The following ZNF606 variants were observed in gnomAD, a reference collection of about 807,000 sequenced individuals.
ZNF606 encodes the protein zinc finger protein 328.
ZNF606 carries 37 observed loss-of-function variants against 74.9 expected under a neutral mutation model. The observed-to-expected ratio is 0.49, with a 90% CI of 0.38 to 0.65. ZNF606 has a LOEUF of 0.65. ZNF606 is among the 30% of genes least tolerant of loss of function. The pLI, the probability that ZNF606 is intolerant of heterozygous loss-of-function variation, is 0.00. For missense variants in ZNF606, 852 were observed against 952.9 expected (o/e 0.89, Z 1.39); for synonymous variants, 328 against 312.4 (o/e 1.05, Z -0.53).
At chr19:58,000,366 C>T (rs1372356913) in intron 3 of ZNF606, 15 of 540,028 alleles carry the variant, frequency 2.8e-5, no homozygotes, top group Non-Finnish European at 4.6e-5. Flanking sequence ...GGACTACAGG[C>T]GCCCACCACC....
intron 1 of ZNF606, 163 bp downstream of exon 1, chr19:58,002,233 G>A (rs772491269): frequency 2.6e-5 from 12 of 456,750 alleles, no homozygotes; most frequent in Non-Finnish European, 4.8e-5. Flanking sequence ...TGCTTTGTGT[G>A]AACTGGCAGG....
chr19:57,987,910 A>T (rs2073188578), intron 6 of ZNF606, among the ~76,000 whole-genome samples: 2 of 152,246 alleles, frequency 1.3e-5, no homozygotes, highest in South Asian at 4.1e-4. Context: ...TTGGCAATAC[A>T]GGAAATAAGG....
At chr19:57,982,163 T>C (rs761543581) in intron 6 of ZNF606, among the ~76,000 whole-genome samples, 1 of 152,206 alleles carries the variant, frequency 6.6e-6, no homozygotes, top group East Asian at 1.9e-4. Context: ...ATTGGCCGGG[T>C]TGTGCTCCCT....
intron 4 of ZNF606, chr19:57,998,316 A>AT (rs990092731): frequency 6.6e-6 from 1 of 152,152 alleles, no homozygotes; most frequent in Non-Finnish European, 1.5e-5. Flanking sequence ...TGCCTCAGTC[A>AT]TTTTTTACAA....
At chr19:57,994,383 G>A (rs920898845) in intron 4 of ZNF606, among the ~76,000 whole-genome samples, 1 of 151,992 alleles carries the variant, frequency 6.6e-6, no homozygotes, top group Non-Finnish European at 1.5e-5. Flanking sequence ...GGACAAGAGG[G>A]AATTATTACT....
chr19:58,000,391 T>G (rs2073403373), intron 3 of ZNF606: 1 of 545,982 alleles, frequency 1.8e-6, no homozygotes, highest in Non-Finnish European at 3.2e-6. Flanking sequence ...CCAGCTAATT[T>G]TTTGTATTTT....
chr19:57,999,782 C>G (rs10451433), intron 4 of ZNF606, 26 bp downstream of exon 4: 1 of 1,609,106 alleles, frequency 6.2e-7, no homozygotes, highest in African/African-American at 1.3e-5. Context: ...ACATCATCCT[C>G]TGGGAACAGG....
At position 57,979,515 on chromosome 19, in the gene ZNF606, G is replaced by A. The variant is rs1330766244; in HGVS notation, c.1165C>T (p.Gln389Ter). Residue 389 changes from glutamine (Q) to a stop codon, truncating the protein, a stop_gained, in exon 7 of 7, where the codon CAA becomes TAA. Transcript: ENST00000551380. LOFTEE classifies it high-confidence loss of function. ...TCTGCAGTGTAAGTGCTTGTATGTT[G>A]AGTAAGGAAAGAGTCATACCCAAAG... Reference protein sequence around the residue: ...KVFGYDSFLTQHTSTYTAEKP... With the variant: ...KVFGYDSFLT 1.2e-6 allele frequency: 2 copies of A among 1,613,780 alleles called. No individual in the cohort carries two copies. Among genetic ancestry groups the A allele is most frequent in the South Asian group, 1.1e-5 (1 of 90,918 alleles).
chr19:57,989,335 T>A (rs555442500), intron 4 of ZNF606, among the ~76,000 whole-genome samples: 4 of 149,388 alleles, frequency 2.7e-5, no homozygotes, highest in Non-Finnish European at 6.0e-5. Flanking sequence ...CTAAACTGAT[T>A]TTTTTTTTTA....
At chr19:57,983,356 C>G (rs1290042569) in intron 6 of ZNF606, among the ~76,000 whole-genome samples, 1 of 152,062 alleles carries the variant, frequency 6.6e-6, no homozygotes, top group Non-Finnish European at 1.5e-5. Context: ...GGGTGGATTA[C>G]CTGAGGTCAG....
At chr19:57,988,471 G>A (rs1401797066) in intron 5 of ZNF606, 124 bp downstream of exon 5, 3 of 1,464,000 alleles carry the variant, frequency 2.0e-6, no homozygotes, top group East Asian at 4.6e-5. Context: ...GAACCTCAGG[G>A]CCCAAGATCA....
chr19:58,001,169 G>T, intron 2 of ZNF606, 120 bp downstream of exon 2: 3 of 1,199,022 alleles, frequency 2.5e-6, no homozygotes, highest in South Asian at 2.7e-5. Context: ...TTCTAATTTT[G>T]TACCAAGATA....
In ZNF606 at chr19:57,991,684, G is replaced by A. The variant is rs551887803; in HGVS notation, c.178-2963C>T. ...AATCCCAGCTACTCGTGAGGCTGAG[G>A]AATGAGAATCTCTTGAACCTGGGAG... On this transcript the variant is annotated intron_variant, in intron 4 of 6. Coordinates refer to ENST00000551380, the MANE Select transcript of ZNF606 (RefSeq NM_001348022.3). Among the ~76,000 whole-genome samples, 19 of 152,092 alleles carry A rather than the reference G, an allele frequency of 1.2e-4. No homozygotes were observed. The South Asian group carries it at 3.9e-3, about 32-fold the overall frequency.
intron 4 of ZNF606, chr19:57,999,073 C>G (rs116421326): frequency 6.6e-6 from 1 of 152,446 alleles, no homozygotes; most frequent in Non-Finnish European, 1.5e-5. Flanking sequence ...TAAAATCTAA[C>G]TGGAGTCAGT....
intron 6 of ZNF606, among the ~76,000 whole-genome samples, chr19:57,983,590 A>G (rs2073121903): frequency 2.0e-5 from 3 of 152,036 alleles, no homozygotes; most frequent in Non-Finnish European, 4.4e-5. Flanking sequence ...AAAAAAAAAA[A>G]AGAAAAGAAA....
At chr19:57,990,819 T>C (rs1401859921) in intron 4 of ZNF606, among the ~76,000 whole-genome samples, 1 of 152,112 alleles carries the variant, frequency 6.6e-6, no homozygotes, top group Non-Finnish European at 1.5e-5. Flanking sequence ...CTTCACATGA[T>C]GGGCTTAAAA....
At chr19:57,980,764 G>A (rs956854659) in intron 6 of ZNF606, among the ~76,000 whole-genome samples, 1 of 150,064 alleles carries the variant, frequency 6.7e-6, no homozygotes, top group South Asian at 2.1e-4. Context: ...GAACCCGGGA[G>A]GCAGAGCTTG....
chr19:57,991,479 A>G (rs1039370099), intron 4 of ZNF606, among the ~76,000 whole-genome samples: 1 of 152,124 alleles, frequency 6.6e-6, no homozygotes, highest in Non-Finnish European at 1.5e-5. Flanking sequence ...CTGTTTCTAC[A>G]TTTTATGGTA....
intron 6 of ZNF606, among the ~76,000 whole-genome samples, chr19:57,985,953 T>C (rs942674414): frequency 6.7e-6 from 1 of 149,522 alleles, no homozygotes; most frequent in African/African-American, 2.5e-5. Context: ...ATAAATAAAA[T>C]AAAATAAAAG....
Sources: gnomAD v4.1 joint callset for allele counts (sites outside exome capture counted in the v4.1 genomes callset) on GRCh38, gnomAD v4.1.1 for gene constraint, MANE v1.5 for transcripts, NCBI Gene and HGNC (gene_info 2026-07-23, HGNC 2026-07-21) for gene names.